The following FHIT variants were observed in gnomAD, a reference collection of about 807,000 sequenced individuals.
FHIT encodes fragile histidine triad diadenosine triphosphatase.
Under a neutral mutation model 17.9 loss-of-function variants are expected in FHIT, and 19 were observed. The ratio of observed to expected loss-of-function variants is 1.06; its 90% CI spans 0.74 to 1.56. FHIT has a LOEUF of 1.56. Among genes scored for constraint, FHIT ranks in the 40% most tolerant of loss-of-function variants. The pLI is 0.00. For synonymous variants in FHIT, 81 were observed against 69.7 expected (o/e 1.16, Z -0.81); for missense variants, 248 against 189.2 (o/e 1.31, Z -1.82).
chr3:60,843,243 C>T (rs1011971207), intron 3 of FHIT, among the ~76,000 whole-genome samples: 5 of 151,988 alleles, frequency 3.3e-5, no homozygotes, highest in Non-Finnish European at 7.4e-5. Flanking sequence ...TGAAGCTGAC[C>T]GAGGCATTCA....
intron 5 of FHIT, among the ~76,000 whole-genome samples, chr3:60,381,651 T>C (rs1195550409): frequency 6.6e-6 from 1 of 152,250 alleles, no homozygotes; most frequent in Non-Finnish European, 1.5e-5. Context: ...ATAGTAGAGA[T>C]GACTATGTTT....
chr3:60,713,297 T>C (rs1481801972), intron 4 of FHIT, among the ~76,000 whole-genome samples: 3 of 150,824 alleles, frequency 2.0e-5, no homozygotes, highest in Middle Eastern at 3.4e-3. Flanking sequence ...GGGAAATTTA[T>C]AGCACTAAAT....
At chr3:59,988,512 T>A (rs1361485383) in intron 7 of FHIT, among the ~76,000 whole-genome samples, 2 of 152,104 alleles carry the variant, frequency 1.3e-5, no homozygotes, top group Non-Finnish European at 2.9e-5. Context: ...TTCATCCATC[T>A]ATTCATTCAT....
chr3:61,227,799 C>A (rs1371265056), intron 1 of FHIT, among the ~76,000 whole-genome samples: 1 of 152,050 alleles, frequency 6.6e-6, no homozygotes, highest in Non-Finnish European at 1.5e-5. Context: ...AGTATGTTTG[C>A]CCTTTCTACT....
At chr3:60,057,931 A>G (rs1472280290) in intron 5 of FHIT, among the ~76,000 whole-genome samples, 1 of 152,032 alleles carries the variant, frequency 6.6e-6, no homozygotes, top group Admixed American at 6.6e-5. Context: ...TCATCATCTC[A>G]GTGACTGGTT....
At position 61,090,060 on chromosome 3, in the gene FHIT, T is replaced by C. The variant is rs986861497; in HGVS notation, c.-163-47961A>G. Reference sequence around the variant, plus strand: ...TGAAATGCCAAAATCAAAGAGGTTTTTATAAAGCTAAATATATATTTAATT... The same window carrying C: ...TGAAATGCCAAAATCAAAGAGGTTTCTATAAAGCTAAATATATATTTAATT... On this transcript the variant is annotated intron_variant, in intron 2 of 9. Coordinates refer to ENST00000492590, the MANE Select transcript of FHIT (RefSeq NM_002012.4). 1.1e-4 allele frequency among the ~76,000 whole-genome samples: 16 copies of C among 152,326 alleles called. 1 individual carries two copies. The highest frequency in any genetic ancestry group is 4.6e-4 in the Admixed American group (7 of 15,302).
chr3:60,294,390 C>T (rs1283214500), intron 5 of FHIT, among the ~76,000 whole-genome samples: 1 of 152,076 alleles, frequency 6.6e-6, no homozygotes, highest in African/African-American at 2.4e-5. Context: ...CCAGAGGAAC[C>T]CAGGTTCCAG....
chr3:61,242,367 T>A (rs760961244), intron 1 of FHIT, among the ~76,000 whole-genome samples: 1 of 152,012 alleles, frequency 6.6e-6, no homozygotes, highest in African/African-American at 2.4e-5. Flanking sequence ...AGGTGACATA[T>A]TTTCTATAAA....
chr3:60,293,942 C>T (rs1028043251), intron 5 of FHIT, among the ~76,000 whole-genome samples: 17 of 152,022 alleles, frequency 1.1e-4, no homozygotes, highest in African/African-American at 4.1e-4. Flanking sequence ...TCAGGAGGTG[C>T]CATGGAATTC....
At chr3:59,750,626 A>C (rs1700843280) in intron 9 of FHIT, 1 of 223,264 alleles carries the variant, frequency 4.5e-6, no homozygotes, top group Non-Finnish European at 8.9e-6. Flanking sequence ...CAAACTTATG[A>C]CATGGGAGAA....
chr3:60,416,459 A>C (rs1033040069), intron 5 of FHIT, among the ~76,000 whole-genome samples: 1 of 152,200 alleles, frequency 6.6e-6, no homozygotes, highest in South Asian at 2.1e-4. Flanking sequence ...AACTTTTTAC[A>C]GTCTGTCATG....
intron 5 of FHIT, among the ~76,000 whole-genome samples, chr3:60,244,761 T>G (rs2107579740): frequency 6.6e-6 from 1 of 152,226 alleles, no homozygotes; most frequent in Admixed American, 6.5e-5. Flanking sequence ...TTATTTAAAA[T>G]TCTAGATGTT....
At chr3:60,139,063 C>A (rs981041209) in intron 5 of FHIT, among the ~76,000 whole-genome samples, 1 of 152,134 alleles carries the variant, frequency 6.6e-6, no homozygotes, top group Non-Finnish European at 1.5e-5. Flanking sequence ...ACAGAGAATA[C>A]AGAAAGTTGG....
chr3:61,225,244 T>C (rs1423661066), intron 1 of FHIT, among the ~76,000 whole-genome samples: 1 of 152,230 alleles, frequency 6.6e-6, no homozygotes, highest in Non-Finnish European at 1.5e-5. Context: ...TTTTGAAAAA[T>C]CAATTTTTAT....
intron 8 of FHIT, among the ~76,000 whole-genome samples, chr3:59,794,986 G>T (rs2106946261): frequency 6.6e-6 from 1 of 152,300 alleles, no homozygotes; most frequent in Middle Eastern, 3.4e-3. Context: ...CTGTAAAGTG[G>T]CATAATAATG....
At chr3:60,399,152 T>A (rs534809765) in intron 5 of FHIT, among the ~76,000 whole-genome samples, 91 of 152,286 alleles carry the variant, frequency 6.0e-4, no homozygotes, top group African/African-American at 2.1e-3. Flanking sequence ...TTAAAGTACA[T>A]CTGAAGGTAT....
chr3:60,029,556 C>A (rs560642180), intron 5 of FHIT, among the ~76,000 whole-genome samples: 1 of 152,190 alleles, frequency 6.6e-6, no homozygotes, highest in African/African-American at 2.4e-5. Context: ...TCCCACCACA[C>A]TGCCTGGCAA....
chr3:60,299,736 C>G (rs1708369028), intron 5 of FHIT, among the ~76,000 whole-genome samples: 1 of 152,046 alleles, frequency 6.6e-6, no homozygotes, highest in Non-Finnish European at 1.5e-5. Flanking sequence ...CTCTACTTGG[C>G]TTTCTGTAAT....
intron 7 of FHIT, among the ~76,000 whole-genome samples, chr3:59,982,752 A>C (rs964406515): frequency 2.6e-5 from 4 of 152,152 alleles, no homozygotes; most frequent in African/African-American, 9.6e-5. Context: ...TTAGGTACCA[A>C]TAGATAAAAA....
Sources: gnomAD v4.1 joint callset for allele counts (sites outside exome capture counted in the v4.1 genomes callset) on GRCh38, gnomAD v4.1.1 for gene constraint, MANE v1.5 for transcripts, NCBI Gene and HGNC (gene_info 2026-07-23, HGNC 2026-07-21) for gene names.